RIMS2: variants seen among roughly 807,000 people sequenced by gnomAD.
RIMS2 encodes regulating synaptic membrane exocytosis 2.
In RIMS2, 59 loss-of-function variants were observed where a neutral mutation model predicts 174.4. The ratio of observed to expected loss-of-function variants is 0.34; its 90% CI spans 0.27 to 0.42. The LOEUF is 0.42. Among genes scored for constraint, RIMS2 ranks in the 10% least tolerant of loss-of-function variants. RIMS2 has a pLI of 1.00. For synonymous variants in RIMS2, 606 were observed against 572.5 expected, an observed-to-expected ratio of 1.06 and a Z score of -0.84; for missense variants, 1,620 against 1,666.3, an observed-to-expected ratio of 0.97 and a Z score of 0.48.
chr8:104,128,631 AGGTT>A, intron 19 of RIMS2, among the ~76,000 whole-genome samples: 1 of 152,196 alleles, frequency 6.6e-6, no homozygotes, highest in African/African-American at 2.4e-5. Flanking sequence ...TGGGAGGCGG[AGGTT>A]GCGGTGAGCC....
chr8:103,778,918 C>T (rs1412825041), intron 3 of RIMS2, among the ~76,000 whole-genome samples: 1 of 152,048 alleles, frequency 6.6e-6, no homozygotes. Flanking sequence ...ATCCCTTATC[C>T]TTGTCTTTTT....
At chr8:104,119,421 A>G (rs1363224480) in intron 19 of RIMS2, among the ~76,000 whole-genome samples, 2 of 152,136 alleles carry the variant, frequency 1.3e-5, no homozygotes, top group South Asian at 2.1e-4. Context: ...GGCATGCTAT[A>G]AATCTGGGTT....
intron 1 of RIMS2, among the ~76,000 whole-genome samples, chr8:103,603,820 C>T (rs1387236482): frequency 6.7e-6 from 1 of 149,188 alleles, no homozygotes; most frequent in Non-Finnish European, 1.5e-5. Context: ...CTGTTCATGT[C>T]CTTCGCCCAC....
intron 16 of RIMS2, among the ~76,000 whole-genome samples, chr8:103,982,207 A>G (rs1323916994): frequency 6.6e-6 from 1 of 152,164 alleles, no homozygotes; most frequent in Non-Finnish European, 1.5e-5. Flanking sequence ...AAGAAACCCA[A>G]TAGCTTAACA....
intron 1 of RIMS2, among the ~76,000 whole-genome samples, chr8:103,588,143 A>G (rs898693853): frequency 6.6e-6 from 1 of 151,926 alleles, no homozygotes; most frequent in South Asian, 2.1e-4. Flanking sequence ...AAACAATTCT[A>G]TTTACAAAAG....
intron 6 of RIMS2, among the ~76,000 whole-genome samples, chr8:103,912,482 C>G (rs1459943711): frequency 2.6e-5 from 4 of 151,846 alleles, no homozygotes; most frequent in Non-Finnish European, 5.9e-5. Context: ...TTCTTTAAGT[C>G]AAAATCTATG....
chr8:103,797,164 G>C (rs980340374), intron 3 of RIMS2, among the ~76,000 whole-genome samples: 6 of 152,024 alleles, frequency 3.9e-5, no homozygotes, highest in African/African-American at 1.5e-4. Flanking sequence ...TTGGCATATC[G>C]GCCTAAATCT....
chr8:104,173,392 A>C (rs1383013070), intron 19 of RIMS2, among the ~76,000 whole-genome samples: 1 of 152,096 alleles, frequency 6.6e-6, no homozygotes, highest in East Asian at 1.9e-4. Flanking sequence ...TGATCTGTGC[A>C]GTTTGGGAAG....
At chr8:103,943,403 A>C (rs2082997052) in intron 14 of RIMS2, among the ~76,000 whole-genome samples, 1 of 152,140 alleles carries the variant, frequency 6.6e-6, no homozygotes, top group South Asian at 2.1e-4. Context: ...TAATTCTTAC[A>C]CTTTAGAACT....
At chr8:103,765,229 A>C (rs1226467681) in intron 2 of RIMS2, among the ~76,000 whole-genome samples, 1 of 152,190 alleles carries the variant, frequency 6.6e-6, no homozygotes, top group Non-Finnish European at 1.5e-5. Flanking sequence ...GGCTTTTTAA[A>C]TGATTAATTG....
intron 1 of RIMS2, among the ~76,000 whole-genome samples, chr8:103,651,075 A>G (rs960436987): frequency 3.9e-5 from 6 of 152,214 alleles, no homozygotes; most frequent in Non-Finnish European, 7.3e-5. Flanking sequence ...GAAACCTCAC[A>G]TAGCTCAGTG....
At chr8:103,675,293 A>G (rs895173886) in intron 1 of RIMS2, among the ~76,000 whole-genome samples, 1 of 152,312 alleles carries the variant, frequency 6.6e-6, no homozygotes, top group East Asian at 1.9e-4. Context: ...GGCATCCTGG[A>G]TGGCTATGAA....
intron 1 of RIMS2, among the ~76,000 whole-genome samples, chr8:103,536,683 T>C (rs1839910381): frequency 6.6e-6 from 1 of 152,002 alleles, no homozygotes; most frequent in Middle Eastern, 3.2e-3. Context: ...AATAGCTAGA[T>C]CTTGCAAAAA....
chr8:104,050,580 G>A (rs778394574), intron 19 of RIMS2, among the ~76,000 whole-genome samples: 2 of 151,966 alleles, frequency 1.3e-5, no homozygotes, highest in Non-Finnish European at 2.9e-5. Context: ...ATAAACTAAG[G>A]GAATTAAAGT....
chr8:104,141,044 TA>T (rs2098562843), intron 19 of RIMS2, among the ~76,000 whole-genome samples: 3 of 152,152 alleles, frequency 2.0e-5, no homozygotes. Flanking sequence ...ATGAACATTT[TA>T]AATGTAGTTT....
chr8:103,575,183 C>T (rs943589900), intron 1 of RIMS2, among the ~76,000 whole-genome samples: 4 of 152,038 alleles, frequency 2.6e-5, no homozygotes, highest in African/African-American at 7.2e-5. Context: ...CCATTGAACA[C>T]GTGGAAAGTG....
At chr8:104,143,537 A>G (rs2098603121) in intron 19 of RIMS2, among the ~76,000 whole-genome samples, 1 of 152,210 alleles carries the variant, frequency 6.6e-6, no homozygotes, top group Admixed American at 6.5e-5. Context: ...CTCAGGAAGC[A>G]CAACAGTAGG....
intron 15 of RIMS2, among the ~76,000 whole-genome samples, chr8:103,971,204 T>C (rs2092829574): frequency 6.6e-6 from 1 of 152,220 alleles, no homozygotes; most frequent in African/African-American, 2.4e-5. Flanking sequence ...ATGTAAATAA[T>C]TTATTTCCCA....
rs762023097 is a variant in RIMS2, at chr8:104,013,652, C to T, written c.3224+31C>T. On this transcript the variant is annotated intron_variant, in intron 18 of 23. Coordinates refer to ENST00000504942, the Ensembl canonical transcript of RIMS2. ...AGATAAATCAATCAGACTAATTTCCCCTTTGCCCCACCAGCACACCATTTT... is the reference window on the plus strand; with the variant it reads ...AGATAAATCAATCAGACTAATTTCCTCTTTGCCCCACCAGCACACCATTTT... 1.1e-5 allele frequency: 17 copies of T among 1,587,198 alleles called. No individual in the cohort carries two copies. In the Admixed American group the frequency reaches 1.8e-4, roughly 17 times the overall value.
Sources: gnomAD v4.1 joint callset for allele counts (sites outside exome capture counted in the v4.1 genomes callset) on GRCh38, gnomAD v4.1.1 for gene constraint, MANE v1.5 for transcripts, NCBI Gene and HGNC (gene_info 2026-07-23, HGNC 2026-07-21) for gene names.